Variants in ADAM12 observed in about 807,000 individuals in gnomAD.
The protein encoded by ADAM12 is disintegrin and metalloproteinase domain-containing protein 12.
ADAM12 carries 70 observed loss-of-function variants against 106.4 expected under a neutral mutation model. That is an observed-to-expected ratio of 0.66 (90% CI 0.54 to 0.80). The LOEUF (loss-of-function observed/expected upper bound fraction) is 0.80, where lower values mean the gene tolerates loss of function less well. Among genes scored for constraint, ADAM12 ranks in the 30% least tolerant of loss-of-function variants. The pLI is 0.00. For missense variants in ADAM12, 1,010 were observed against 1,171.9 expected (o/e 0.86, Z 2.02); for synonymous variants, 420 against 433.5 (o/e 0.97, Z 0.39).
chr10:126,044,817 C>T (rs1710309), intron 17 of ADAM12, among the ~76,000 whole-genome samples: 44,736 of 152,106 alleles, frequency 0.29, 8,641 homozygotes, highest in East Asian at 0.57. Context: ...GCAGAGCCTA[C>T]GTCAAATGTA....
At chr10:126,139,671 G>T (rs1415997311) in intron 4 of ADAM12, among the ~76,000 whole-genome samples, 2 of 151,742 alleles carry the variant, frequency 1.3e-5, no homozygotes, top group African/African-American at 4.8e-5. Context: ...GCATCCAGGG[G>T]TGGGGTTAGT....
intron 14 of ADAM12, among the ~76,000 whole-genome samples, chr10:126,057,994 G>A (rs559740766): frequency 3.3e-5 from 5 of 152,222 alleles, no homozygotes; most frequent in African/African-American, 1.2e-4. Context: ...TTATATGATC[G>A]GGTCAATGCT....
At chr10:126,368,352 A>ATTTGTT (rs1855988662) in intron 1 of ADAM12, among the ~76,000 whole-genome samples, 2 of 125,542 alleles carry the variant, frequency 1.6e-5, no homozygotes, top group Non-Finnish European at 3.3e-5. Context: ...AGATTGTGTG[A>ATTTGTT]TTTGTTTTTT....
chr10:126,102,374 G>A (rs965606896), intron 8 of ADAM12, among the ~76,000 whole-genome samples: 14 of 152,212 alleles, frequency 9.2e-5, no homozygotes, highest in Non-Finnish European at 2.1e-4. Flanking sequence ...CCAAAGCCAA[G>A]CACCAGATGA....
At chr10:126,170,123 C>G (rs1351201918) in intron 3 of ADAM12, among the ~76,000 whole-genome samples, 2 of 152,348 alleles carry the variant, frequency 1.3e-5, no homozygotes, top group East Asian at 1.9e-4. Context: ...AGCCAGCCAG[C>G]CAGCTCCCTG....
chr10:126,123,212 G>A (rs1214755018), intron 5 of ADAM12, among the ~76,000 whole-genome samples: 1 of 152,222 alleles, frequency 6.6e-6, no homozygotes, highest in Non-Finnish European at 1.5e-5. Flanking sequence ...GAAGCATTCA[G>A]GGTTTCTGAG....
At chr10:126,132,977 C>T (rs1384419031) in intron 5 of ADAM12, among the ~76,000 whole-genome samples, 7 of 152,078 alleles carry the variant, frequency 4.6e-5, no homozygotes, top group African/African-American at 1.7e-4. Context: ...CTCTACTGAC[C>T]CTATCCCCAC....
intron 1 of ADAM12, among the ~76,000 whole-genome samples, chr10:126,380,496 T>C (rs764717137): frequency 6.6e-6 from 1 of 152,178 alleles, no homozygotes; most frequent in African/African-American, 2.4e-5. Flanking sequence ...TCCTTTTCTG[T>C]AGAATGAGGG....
intron 2 of ADAM12, among the ~76,000 whole-genome samples, chr10:126,286,102 C>T (rs1361213272): frequency 6.6e-6 from 1 of 151,858 alleles, no homozygotes; most frequent in Non-Finnish European, 1.5e-5. Flanking sequence ...ACCTCGAGTC[C>T]ATAAATGTAG....
At chr10:126,233,118 G>T (rs970819656) in intron 3 of ADAM12, among the ~76,000 whole-genome samples, 1 of 152,184 alleles carries the variant, frequency 6.6e-6, no homozygotes, top group Non-Finnish European at 1.5e-5. Flanking sequence ...GTACACTTGG[G>T]CTTCATCAGT....
At chr10:126,174,822 G>A (rs191445376) in intron 3 of ADAM12, among the ~76,000 whole-genome samples, 2 of 150,486 alleles carry the variant, frequency 1.3e-5, no homozygotes, top group Non-Finnish European at 3.0e-5. Context: ...GCTTGATCTC[G>A]GCTCACTGCA....
intron 11 of ADAM12, among the ~76,000 whole-genome samples, chr10:126,076,622 T>C (rs1354073187): frequency 1.3e-5 from 2 of 152,226 alleles, no homozygotes; most frequent in Admixed American, 1.3e-4. Flanking sequence ...ATTAGTGTTG[T>C]TGAACATTTT....
chr10:126,051,883 A>C (rs1337057565), intron 14 of ADAM12, among the ~76,000 whole-genome samples: 1 of 152,196 alleles, frequency 6.6e-6, no homozygotes, highest in Non-Finnish European at 1.5e-5. Context: ...GAAGGTAGAA[A>C]CAGAGTAGGA....
chr10:126,221,284 T>C (rs1958087232), intron 3 of ADAM12, among the ~76,000 whole-genome samples: 1 of 151,198 alleles, frequency 6.6e-6, no homozygotes, highest in African/African-American at 2.4e-5. Context: ...CTTGGCAGTC[T>C]GAGGCAGCAG....
At chr10:126,227,903 G>A (rs1215445386) in intron 3 of ADAM12, among the ~76,000 whole-genome samples, 2 of 152,144 alleles carry the variant, frequency 1.3e-5, no homozygotes, top group East Asian at 1.9e-4. Flanking sequence ...GACAGATGGT[G>A]AGCTGGCAGC....
intron 3 of ADAM12, among the ~76,000 whole-genome samples, chr10:126,191,269 T>G (rs900896592): frequency 6.6e-6 from 1 of 152,100 alleles, no homozygotes; most frequent in Non-Finnish European, 1.5e-5. Context: ...CTCAAAGTGC[T>G]GGGATTGAGT....
chr10:126,162,172 C>T (rs900047904), intron 3 of ADAM12, among the ~76,000 whole-genome samples: 3 of 152,014 alleles, frequency 2.0e-5, no homozygotes, highest in Admixed American at 6.5e-5. Flanking sequence ...AGGGACACGC[C>T]CAAAGCACTG....
chr10:126,344,979 T>C (rs1051250740), intron 1 of ADAM12, among the ~76,000 whole-genome samples: 6 of 152,150 alleles, frequency 3.9e-5, no homozygotes, highest in Non-Finnish European at 5.9e-5. Flanking sequence ...ACAGGGACAA[T>C]TTGACTCCCT....
intron 2 of ADAM12, among the ~76,000 whole-genome samples, chr10:126,313,091 T>C (rs151204884): frequency 2.7e-3 from 414 of 152,294 alleles, no homozygotes; most frequent in African/African-American, 8.7e-3. Context: ...GGGTCTCTCA[T>C]GAGGGTGCAG....
Sources: allele counts gnomAD v4.1 joint callset (sites outside exome capture counted in the v4.1 genomes callset), GRCh38; gene constraint gnomAD v4.1.1; transcripts MANE v1.5; gene names NCBI Gene and HGNC (gene_info 2026-07-23, HGNC 2026-07-21).